The following ARHGEF28 variants were observed in gnomAD, a reference collection of about 807,000 sequenced individuals.
ARHGEF28 encodes 190 kDa guanine nucleotide exchange factor.
A neutral mutation model predicts 206.6 loss-of-function variants in ARHGEF28; 152 were observed. The ratio of observed to expected loss-of-function variants is 0.74; its 90% CI spans 0.64 to 0.84. The LOEUF is 0.84. Among genes scored for constraint, ARHGEF28 ranks in the 40% least tolerant of loss-of-function variants. The pLI is 0.00. For synonymous variants in ARHGEF28, 763 were observed against 776.4 expected (o/e 0.98, Z 0.29); for missense variants, 2,028 against 2,073.2 (o/e 0.98, Z 0.42).
intron 35 of ARHGEF28, among the ~76,000 whole-genome samples, chr5:73,928,131 G>A (rs539434648): frequency 6.6e-6 from 1 of 152,300 alleles, no homozygotes; most frequent in East Asian, 1.9e-4. Flanking sequence ...TTGATAAAGA[G>A]GAAAAAACAA....
In ARHGEF28 at chr5:73,909,600, G is replaced by A. The variant is rs917283699; in HGVS notation, c.4350G>A (p.Glu1450=). Residue 1450 remains glutamate (E), a synonymous_variant, in exon 34 of 36, where the codon GAG becomes GAA. Coordinates refer to ENST00000513042, the MANE Select transcript of ARHGEF28 (RefSeq NM_001177693.2). ...VHQLQHQLQQ[E]QRRWLRRCEQ... ...AGCTTCAGCACCAGCTCCAGCAGGA[G>A]CAGCGGCGCTGGCTGCGCAGGTGTG... is the stretch of plus-strand genomic sequence containing the variant. The A allele has an allele frequency of 2.6e-6, 4 of 1,555,662 alleles. No individual in the cohort carries two copies. In the African/African-American group the frequency reaches 5.5e-5, roughly 21 times the overall value.
At chr5:73,642,776 T>G (rs765432320) in intron 1 of ARHGEF28, among the ~76,000 whole-genome samples, 12 of 152,202 alleles carry the variant, frequency 7.9e-5, no homozygotes, top group Non-Finnish European at 1.5e-4. Context: ...TAAAAACACT[T>G]TAAGACTGAT....
rs978929048 is a variant in ARHGEF28, at chr5:73,773,733, T to C, written c.476-122T>C. 1.9e-5 allele frequency: 19 copies of C among 1,017,844 alleles called. No homozygotes were observed. The African/African-American group carries it at 3.1e-4, about 17-fold the overall frequency. The allele number at this position is 1,017,844 out of a possible 1,614,324, so 63.1% of individuals were successfully genotyped here. A position where few individuals can be genotyped will look rare whatever the true frequency, so the allele number is the denominator to read the frequency against. On this transcript the variant is annotated intron_variant, in intron 4 of 35. Transcript: ENST00000513042. ...ATGAGATACAGTGATTGGGTGCCATTGTTAATTTCTTCCAACTCTGACATT... is the reference window on the plus strand; with the variant it reads ...ATGAGATACAGTGATTGGGTGCCATCGTTAATTTCTTCCAACTCTGACATT...
intron 10 of ARHGEF28, chr5:73,834,952 A>G (rs991908721): frequency 6.6e-6 from 1 of 152,126 alleles, no homozygotes; most frequent in African/African-American, 2.4e-5. Flanking sequence ...GGAGTCTCCA[A>G]AGTGATAGTC....
At chr5:73,754,151 A>G (rs958147941) in intron 4 of ARHGEF28, among the ~76,000 whole-genome samples, 3 of 152,224 alleles carry the variant, frequency 2.0e-5, no homozygotes, top group Middle Eastern at 6.8e-3. Flanking sequence ...GGTAAATTCT[A>G]GTTGTAAGTT....
intron 29 of ARHGEF28, among the ~76,000 whole-genome samples, chr5:73,895,686 T>C (rs1433325547): frequency 6.6e-6 from 1 of 152,170 alleles, no homozygotes; most frequent in Non-Finnish European, 1.5e-5. Flanking sequence ...TTCGTAAGTT[T>C]AGTTTTACCG....
At chr5:73,724,685 C>A (rs1231004433) in intron 2 of ARHGEF28, among the ~76,000 whole-genome samples, 1 of 152,204 alleles carries the variant, frequency 6.6e-6, no homozygotes, top group African/African-American at 2.4e-5. Context: ...CTGGCTTTTA[C>A]CATTCAGCTT....
At chr5:73,660,380 C>A (rs114465824) in intron 1 of ARHGEF28, among the ~76,000 whole-genome samples, 2,052 of 152,290 alleles carry the variant, frequency 0.013, 44 homozygotes, top group African/African-American at 0.046. Context: ...TTATTTCCTT[C>A]ACTGAAGCCT....
At chr5:73,699,358 TA>T (rs1748441851) in intron 2 of ARHGEF28, among the ~76,000 whole-genome samples, 1 of 149,000 alleles carries the variant, frequency 6.7e-6, no homozygotes, top group Admixed American at 6.7e-5. Flanking sequence ...AGATCAATAA[TA>T]AGGGGAATCG....
At chr5:73,821,940 T>C (rs1286709775) in intron 9 of ARHGEF28, among the ~76,000 whole-genome samples, 1 of 151,946 alleles carries the variant, frequency 6.6e-6, no homozygotes, top group Non-Finnish European at 1.5e-5. Flanking sequence ...CAATGCGGAG[T>C]GAGGACTTGG....
Position 73,773,966 on chromosome 5 carries a change from A to G in ARHGEF28, c.587A>G (p.Asn196Ser), listed in dbSNP as rs768556244. 5.5e-5 allele frequency: 89 copies of G among 1,607,198 alleles called. No individual in the cohort carries two copies. The highest frequency in any genetic ancestry group is 6.7e-5 in the Non-Finnish European group (79 of 1,176,754). Reference sequence around the variant, plus strand: ...GGAGTCCAGGCCTTGGCTTTACCCAACGAAGAGGGTGCCACACCATTAGAC... The same window carrying G: ...GGAGTCCAGGCCTTGGCTTTACCCAGCGAAGAGGGTGCCACACCATTAGAC... Reference protein sequence around the residue: ...PGGVQALALPNEEGATPLDLA... With the variant: ...PGGVQALALPSEEGATPLDLA... Residue 196 changes from asparagine to serine, a missense_variant, in exon 5 of 36, where the codon AAC (asparagine) becomes AGC (serine). Asn to Ser is a conservative substitution (Grantham distance 46, BLOSUM62 1). Coordinates refer to ENST00000513042, the MANE Select transcript of ARHGEF28 (RefSeq NM_001177693.2).
At chr5:73,802,920 G>GTGTA (rs1755230104) in intron 9 of ARHGEF28, among the ~76,000 whole-genome samples, 1 of 134,972 alleles carries the variant, frequency 7.4e-6, no homozygotes, top group Admixed American at 7.8e-5. Flanking sequence ...GTGTGTGTGT[G>GTGTA]TTGGTAGGCT....
intron 1 of ARHGEF28, among the ~76,000 whole-genome samples, chr5:73,631,342 G>C (rs1030450991): frequency 1.3e-4 from 20 of 152,076 alleles, no homozygotes; most frequent in African/African-American, 4.3e-4. Context: ...TTTTTCAACA[G>C]TGCTTCTCCT....
chr5:73,631,318 A>T (rs1743351159), intron 1 of ARHGEF28, among the ~76,000 whole-genome samples: 1 of 152,116 alleles, frequency 6.6e-6, no homozygotes, highest in East Asian at 1.9e-4. Flanking sequence ...CTGTCTGTAC[A>T]TTGTCACTGG....
Position 73,753,188 on chromosome 5 carries a change from G to A in ARHGEF28, c.461G>A (p.Ser154Asn). ...CCTCTAGAGTGGACTGTGTTGGGAA[G>A]TTCTTCACTTGAAGGTGGGTCATCA... ...ELPLEWTVLG[S>N]SSLEVSSHRE... is the part of the protein sequence containing the mutation. Residue 154 changes from serine to asparagine, a missense_variant, in exon 4 of 36, where the codon AGT becomes AAT. By Grantham distance (46) the Ser-to-Asn change is conservative. Around this residue, in one of 3 missense-constraint regions of ARHGEF28, gnomAD observed 1,002 missense variants for 1,015.3 expected, o/e 0.99. Transcript: ENST00000513042. 1 of 1,520,678 alleles carries A rather than the reference G, an allele frequency of 6.6e-7. No individual in the cohort carries two copies. The highest frequency in any genetic ancestry group is 8.8e-7 in the Non-Finnish European group (1 of 1,136,778). The allele number at this position is 1,520,678 out of a possible 1,614,324, so 94.2% of individuals were successfully genotyped here. A position where few individuals can be genotyped will look rare whatever the true frequency, so the allele number is the denominator to read the frequency against.
At chr5:73,837,364 G>T (rs1757708463) in intron 10 of ARHGEF28, among the ~76,000 whole-genome samples, 1 of 151,888 alleles carries the variant, frequency 6.6e-6, no homozygotes, top group Non-Finnish European at 1.5e-5. Flanking sequence ...TATCTGTGTT[G>T]CTTCAATTTC....
chr5:73,729,571 A>C (rs533507314), intron 2 of ARHGEF28, among the ~76,000 whole-genome samples: 14 of 152,270 alleles, frequency 9.2e-5, no homozygotes, highest in African/African-American at 2.9e-4. Flanking sequence ...AGATGGCCAT[A>C]CTTTTGTTTG....
chr5:73,812,735 G>GA (rs1358774138), intron 9 of ARHGEF28, among the ~76,000 whole-genome samples: 1 of 152,154 alleles, frequency 6.6e-6, no homozygotes, highest in Non-Finnish European at 1.5e-5. Flanking sequence ...GAGGTGGACT[G>GA]AAAGTTTAGA....
At chr5:73,702,034 G>T (rs1244184168) in intron 2 of ARHGEF28, among the ~76,000 whole-genome samples, 6 of 152,184 alleles carry the variant, frequency 3.9e-5, no homozygotes, top group Non-Finnish European at 8.8e-5. Flanking sequence ...GAGTATGATT[G>T]CTGGGTCGTA....
Sources: gnomAD v4.1 joint callset for allele counts (sites outside exome capture counted in the v4.1 genomes callset) on GRCh38, gnomAD v4.1.1 for gene constraint, gnomAD v4.1.1 regional missense constraint, MANE v1.5 for transcripts, NCBI Gene and HGNC (gene_info 2026-07-23, HGNC 2026-07-21) for gene names.